The following TMEFF2 variants were observed in gnomAD, a reference collection of about 807,000 sequenced individuals.
The protein encoded by TMEFF2 is transmembrane protein with EGF like and two follistatin like domains 2.
Under a neutral mutation model 53.8 loss-of-function variants are expected in TMEFF2, and 28 were observed. That is an observed-to-expected ratio of 0.52 (90% CI 0.39 to 0.71). TMEFF2 has a LOEUF of 0.71. Among genes scored for constraint, TMEFF2 ranks in the 30% least tolerant of loss-of-function variants. TMEFF2 has a pLI of 0.00. For missense variants in TMEFF2, 353 were observed against 455.2 expected, an observed-to-expected ratio of 0.78 and a Z score of 2.04; for synonymous variants, 162 against 166.3, an observed-to-expected ratio of 0.97 and a Z score of 0.20.
intron 5 of TMEFF2, among the ~76,000 whole-genome samples, chr2:192,038,766 C>A (rs536984254): frequency 6.6e-6 from 1 of 152,168 alleles, no homozygotes; most frequent in East Asian, 1.9e-4. Flanking sequence ...ATTACAGACT[C>A]GTGAGACACC....
chr2:192,067,278 G>A (rs1423946177), intron 4 of TMEFF2, among the ~76,000 whole-genome samples: 1 of 151,802 alleles, frequency 6.6e-6, no homozygotes, highest in African/African-American at 2.4e-5. Context: ...TAGGGATTGG[G>A]TTTAGACAGA....
chr2:191,999,240 A>G lies in TMEFF2; in HGVS notation c.537-32T>C, dbSNP rs200221184. 123 of 1,545,932 alleles carry G rather than the reference A, an allele frequency of 8.0e-5. No homozygotes were observed. In the African/African-American group the frequency reaches 1.5e-3, roughly 18 times the overall value. The stretch of plus-strand genomic sequence containing the variant: ...AAAGAGAGAAATAAAAACATGTAAC[A>G]TCAATAGTGTTGTTACCACATTATA... On this transcript the variant is annotated intron_variant, in intron 5 of 9. Coordinates refer to ENST00000272771, the MANE Select transcript of TMEFF2 (RefSeq NM_016192.4).
chr2:192,035,211 C>T (rs1391788329), intron 5 of TMEFF2: 1 of 152,136 alleles, frequency 6.6e-6, no homozygotes, highest in Non-Finnish European at 1.5e-5. Flanking sequence ...CCCAGGGATC[C>T]TGGATGACAA....
intron 5 of TMEFF2, among the ~76,000 whole-genome samples, chr2:192,038,508 TTTTC>T (rs1335081119): frequency 6.6e-6 from 1 of 152,144 alleles, no homozygotes; most frequent in Non-Finnish European, 1.5e-5. Flanking sequence ...GACACTGCTC[TTTTC>T]TTTCTTTTTT....
chr2:192,138,915 TG>T (rs951570833), intron 4 of TMEFF2, among the ~76,000 whole-genome samples: 1 of 152,144 alleles, frequency 6.6e-6, no homozygotes, highest in Non-Finnish European at 1.5e-5. Flanking sequence ...ATTTTCTCCC[TG>T]GGGGGTTCAA....
At chr2:192,057,654 TA>T in intron 5 of TMEFF2, 24 bp downstream of exon 5, 1 of 1,587,758 alleles carries the variant, frequency 6.3e-7, no homozygotes, top group Non-Finnish European at 8.6e-7. Context: ...TTATTTTGTC[TA>T]AAAGAATAAA....
At chr2:192,021,485 G>A (rs1296996187) in intron 5 of TMEFF2, among the ~76,000 whole-genome samples, 1 of 152,062 alleles carries the variant, frequency 6.6e-6, no homozygotes, top group East Asian at 1.9e-4. Context: ...TTCCTCCTAG[G>A]TACTGATTTT....
chr2:192,090,364 G>A (rs558475270), intron 4 of TMEFF2, among the ~76,000 whole-genome samples: 1 of 152,266 alleles, frequency 6.6e-6, no homozygotes, highest in East Asian at 1.9e-4. Context: ...TTAATTTTAA[G>A]TGTGGAAAAA....
chr2:192,179,742 T>A, intron 3 of TMEFF2, 48 bp from the exon 4 acceptor site: 2 of 1,491,498 alleles, frequency 1.3e-6, no homozygotes, highest in South Asian at 2.9e-5. Flanking sequence ...TTCAAAAATA[T>A]TTATGACTTT....
chr2:192,123,684 T>A (rs975949392), intron 4 of TMEFF2, among the ~76,000 whole-genome samples: 3 of 152,240 alleles, frequency 2.0e-5, no homozygotes, highest in African/African-American at 7.2e-5. Context: ...CAGTTGCTAT[T>A]CTCAACTAAA....
chr2:192,047,534 C>T (rs547867053), intron 5 of TMEFF2, among the ~76,000 whole-genome samples: 1 of 152,296 alleles, frequency 6.6e-6, no homozygotes, highest in South Asian at 2.1e-4. Context: ...AAACAATCTT[C>T]AGAAGATCAT....
intron 4 of TMEFF2, among the ~76,000 whole-genome samples, chr2:192,069,097 C>G (rs1353096066): frequency 1.3e-5 from 2 of 151,550 alleles, no homozygotes; most frequent in Non-Finnish European, 3.0e-5. Context: ...TCCTTGACCC[C>G]CTACTCGACT....
intron 5 of TMEFF2, among the ~76,000 whole-genome samples, chr2:192,020,860 C>G (rs1488944230): frequency 6.6e-6 from 1 of 152,102 alleles, no homozygotes; most frequent in Non-Finnish European, 1.5e-5. Context: ...ATTTGACTTG[C>G]AACCATCTCT....
At chr2:192,063,191 G>T (rs887673272) in intron 4 of TMEFF2, among the ~76,000 whole-genome samples, 1 of 151,832 alleles carries the variant, frequency 6.6e-6, no homozygotes, top group Non-Finnish European at 1.5e-5. Context: ...TGTATAAATT[G>T]CCTTCTAAAG....
chr2:191,952,979 G>A (rs528143825), intron 9 of TMEFF2, among the ~76,000 whole-genome samples: 3 of 152,138 alleles, frequency 2.0e-5, no homozygotes, highest in Non-Finnish European at 2.9e-5. Flanking sequence ...TAAATGATAC[G>A]CATTTTGCTT....
At position 191,950,165 on chromosome 2, in the gene TMEFF2, A is replaced by G; in HGVS notation, c.*146T>C. ...CAAATATATCCATACATAATCAAATATAGCTGTAGTACATGTTTTCATTGG... is the reference window on the plus strand; with the variant it reads ...CAAATATATCCATACATAATCAAATGTAGCTGTAGTACATGTTTTCATTGG... On this transcript the variant is annotated 3_prime_UTR_variant, in exon 10 of 10. Coordinates refer to ENST00000272771, the MANE Select transcript of TMEFF2 (RefSeq NM_016192.4). The G allele has an allele frequency of 6.9e-7, 1 of 1,448,894 alleles. No homozygotes were observed. Among genetic ancestry groups the G allele is most frequent in the East Asian group, 2.5e-5 (1 of 40,546 alleles). The allele number at this position is 1,448,894 out of a possible 1,614,324, so 89.8% of individuals were successfully genotyped here. A position where few individuals can be genotyped will look rare whatever the true frequency, so the allele number is the denominator to read the frequency against.
chr2:191,950,556 G>A, intron 9 of TMEFF2, 149 bp from the exon 10 acceptor site: 1 of 1,211,392 alleles, frequency 8.3e-7, no homozygotes, highest in Non-Finnish European at 1.2e-6. Context: ...GGATTATTTT[G>A]GAAAAGTTAT....
chr2:192,050,741 C>G (rs991762066), intron 5 of TMEFF2, among the ~76,000 whole-genome samples: 3 of 152,150 alleles, frequency 2.0e-5, no homozygotes, highest in Admixed American at 6.5e-5. Flanking sequence ...TCTTTTACTT[C>G]TAAATTTTAT....
chr2:192,015,116 A>T (rs1312110790), intron 5 of TMEFF2, among the ~76,000 whole-genome samples: 1 of 152,010 alleles, frequency 6.6e-6, no homozygotes, highest in Non-Finnish European at 1.5e-5. Flanking sequence ...GCCTGGGGAG[A>T]CAGCATGCTG....
Sources: gnomAD v4.1 joint callset for allele counts (sites outside exome capture counted in the v4.1 genomes callset) on GRCh38, gnomAD v4.1.1 for gene constraint, MANE v1.5 for transcripts, NCBI Gene and HGNC (gene_info 2026-07-23, HGNC 2026-07-21) for gene names.